The following LRP1B variants were observed in gnomAD, a reference collection of about 807,000 sequenced individuals.
LRP1B encodes LDL receptor related protein 1B.
LRP1B carries 217 observed loss-of-function variants against 556.6 expected under a neutral mutation model. The observed-to-expected ratio is 0.39, with a 90% CI of 0.35 to 0.44. The LOEUF (loss-of-function observed/expected upper bound fraction) is 0.44. Ranked by LOEUF, LRP1B falls within the 20% of genes least tolerant of loss-of-function variation. The pLI is 1.00. For synonymous variants in LRP1B, 2,047 were observed against 1,865.8 expected (o/e 1.10, Z -2.50); for missense variants, 5,053 against 5,620.8 (o/e 0.90, Z 3.23).
intron 1 of LRP1B, among the ~76,000 whole-genome samples, chr2:141,905,593 T>C (rs2104941742): frequency 6.6e-6 from 1 of 151,790 alleles, no homozygotes; most frequent in Middle Eastern, 3.4e-3. Flanking sequence ...GAAGTGAGTA[T>C]GGATACTGAT....
intron 2 of LRP1B, among the ~76,000 whole-genome samples, chr2:141,639,438 G>T: frequency 7.1e-6 from 1 of 141,076 alleles, no homozygotes; most frequent in Non-Finnish European, 1.5e-5. Context: ...TTTTGAGACA[G>T]AGTCTCACTC....
At chr2:140,325,673 C>CAAAGT in intron 80 of LRP1B, 89 bp downstream of exon 80, 2 of 818,188 alleles carry the variant, frequency 2.4e-6, no homozygotes, top group Admixed American at 2.6e-5. Flanking sequence ...ATCCAGAATG[C>CAAAGT]AAAGTAAAGT....
At chr2:141,126,046 T>A (rs1263603983) in intron 7 of LRP1B, among the ~76,000 whole-genome samples, 1 of 151,656 alleles carries the variant, frequency 6.6e-6, no homozygotes, top group Non-Finnish European at 1.5e-5. Flanking sequence ...TATTTTTTTT[T>A]TTTTGAGGCA....
rs1271881958 is a variant in LRP1B at position 140,701,716 on chromosome 2, C to T, written c.6427+5G>A. 1 of 1,611,026 alleles carries T rather than the reference C, an allele frequency of 6.2e-7. No individual in the cohort carries two copies. Among genetic ancestry groups the T allele is most frequent in the East Asian group, 2.2e-5 (1 of 44,840 alleles). On this transcript the variant is annotated splice_donor_5th_base_variant and intron_variant, in intron 40 of 90. Transcript: ENST00000389484. ...CATATTATGTATTCTTTCAAGAGTG[C>T]TGACCTTTCTCTCTTACTCGGTTAA...
intron 2 of LRP1B, among the ~76,000 whole-genome samples, chr2:141,760,969 G>C (rs1437662626): frequency 6.6e-6 from 1 of 152,050 alleles, no homozygotes; most frequent in Non-Finnish European, 1.5e-5. Context: ...CTATATTTGT[G>C]GGCACATTTT....
chr2:140,375,173 ATG>A (rs34597866), intron 68 of LRP1B, among the ~76,000 whole-genome samples: 42,987 of 143,824 alleles, frequency 0.3, 6,433 homozygotes, highest in Non-Finnish European at 0.36. Flanking sequence ...TACTGTGTGT[ATG>A]TGTGTGTGTG....
chr2:141,781,681 C>T (rs546630054), intron 2 of LRP1B, among the ~76,000 whole-genome samples: 2 of 152,246 alleles, frequency 1.3e-5, no homozygotes, highest in South Asian at 4.1e-4. Flanking sequence ...TTGCAGATTA[C>T]AAATAGCACT....
intron 47 of LRP1B, among the ~76,000 whole-genome samples, chr2:140,527,768 A>G (rs1244080957): frequency 2.0e-5 from 3 of 151,984 alleles, no homozygotes; most frequent in Non-Finnish European, 2.9e-5. Context: ...TTCAATAGAA[A>G]TAGTAAATGC....
At chr2:140,569,190 A>T (rs1250602391) in intron 43 of LRP1B, among the ~76,000 whole-genome samples, 5 of 152,138 alleles carry the variant, frequency 3.3e-5, no homozygotes, top group African/African-American at 9.6e-5. Context: ...AAAACAATTT[A>T]AAAAACAACA....
intron 2 of LRP1B, among the ~76,000 whole-genome samples, chr2:141,727,984 A>G (rs1693105391): frequency 6.6e-6 from 1 of 151,996 alleles, no homozygotes; most frequent in Non-Finnish European, 1.5e-5. Context: ...TGAAACATCT[A>G]CTATGTGATT....
chr2:141,093,917 A>G (rs1324541597), intron 7 of LRP1B, among the ~76,000 whole-genome samples: 1 of 152,022 alleles, frequency 6.6e-6, no homozygotes, highest in Non-Finnish European at 1.5e-5. Flanking sequence ...GCGTTTCACC[A>G]CATTAGCCAG....
chr2:140,580,388 C>T (rs1354507563), intron 43 of LRP1B, among the ~76,000 whole-genome samples: 1 of 152,112 alleles, frequency 6.6e-6, no homozygotes, highest in Admixed American at 6.6e-5. Flanking sequence ...CATTAAAAGG[C>T]CCTGTGTTGC....
chr2:142,027,058 T>C (rs951801290), intron 1 of LRP1B, among the ~76,000 whole-genome samples: 46 of 152,130 alleles, frequency 3.0e-4, no homozygotes, highest in African/African-American at 9.1e-4. Context: ...AACCAGATTG[T>C]GAAAGGTCAC....
chr2:141,930,463 G>C (rs138629489), intron 1 of LRP1B, among the ~76,000 whole-genome samples: 1 of 152,068 alleles, frequency 6.6e-6, no homozygotes, highest in African/African-American at 2.4e-5. Context: ...GACTTCAAAG[G>C]TACATCACTT....
At chr2:141,887,097 G>A (rs1378775748) in intron 1 of LRP1B, among the ~76,000 whole-genome samples, 2 of 151,960 alleles carry the variant, frequency 1.3e-5, no homozygotes. Context: ...CCAGGTTCAA[G>A]TGATTCTCCT....
At chr2:141,387,522 A>G (rs1689875120) in intron 3 of LRP1B, among the ~76,000 whole-genome samples, 1 of 152,154 alleles carries the variant, frequency 6.6e-6, no homozygotes, top group South Asian at 2.1e-4. Context: ...TTATAAGAAA[A>G]TGATATGAAC....
intron 18 of LRP1B, among the ~76,000 whole-genome samples, chr2:140,978,819 A>G (rs1696681164): frequency 6.6e-6 from 1 of 152,156 alleles, no homozygotes; most frequent in Non-Finnish European, 1.5e-5. Flanking sequence ...TTGGTTGTAA[A>G]GAAGAAATGG....
At chr2:140,842,533 C>G (rs1295052586) in intron 29 of LRP1B, among the ~76,000 whole-genome samples, 2 of 152,148 alleles carry the variant, frequency 1.3e-5, no homozygotes, top group Non-Finnish European at 2.9e-5. Context: ...TGGTGAATTT[C>G]AAATGTAAAC....
At chr2:140,767,790 T>C (rs1403335374) in intron 35 of LRP1B, among the ~76,000 whole-genome samples, 6 of 151,918 alleles carry the variant, frequency 3.9e-5, no homozygotes, top group Admixed American at 2.0e-4. Context: ...CATTATGGAG[T>C]CTTCAAAATA....
Sources: gnomAD v4.1 joint callset for allele counts (sites outside exome capture counted in the v4.1 genomes callset) on GRCh38, gnomAD v4.1.1 for gene constraint, MANE v1.5 for transcripts, NCBI Gene and HGNC (gene_info 2026-07-23, HGNC 2026-07-21) for gene names.